CENPP: variants seen among roughly 807,000 people sequenced by gnomAD.
CENPP encodes the protein centromere protein P.
In CENPP, 24 loss-of-function variants were observed where a neutral mutation model predicts 35.6. The ratio of observed to expected loss-of-function variants is 0.67; its 90% CI spans 0.49 to 0.95. The LOEUF (loss-of-function observed/expected upper bound fraction) is 0.95, where lower values mean the gene tolerates loss of function less well. Among genes scored for constraint, CENPP ranks in the 40% least tolerant of loss-of-function variants. The probability of loss-of-function intolerance (pLI) is 0.00; values close to 1 mark genes in which losing one functional copy is unlikely to be tolerated. For synonymous variants in CENPP, 120 were observed against 125.5 expected (o/e 0.96, Z 0.29); for missense variants, 332 against 345.3 (o/e 0.96, Z 0.31).
intron 5 of CENPP, among the ~76,000 whole-genome samples, chr9:92,433,821 A>G (rs1203889858): frequency 6.6e-6 from 1 of 152,078 alleles, no homozygotes; most frequent in Non-Finnish European, 1.5e-5. Flanking sequence ...AATCCCAGCT[A>G]CTTGGGAGGC....
chr9:92,447,747 T>C (rs1226952805), intron 5 of CENPP, among the ~76,000 whole-genome samples: 3 of 152,170 alleles, frequency 2.0e-5, no homozygotes, highest in African/African-American at 7.2e-5. Context: ...GGGCAGGACT[T>C]GGCACCTGGT....
intron 5 of CENPP, among the ~76,000 whole-genome samples, chr9:92,587,237 A>AG (rs796447512): frequency 3.3e-5 from 5 of 152,334 alleles, no homozygotes; most frequent in African/African-American, 1.2e-4. Flanking sequence ...TGGGAGGCCG[A>AG]GGCAGGCGAA....
intron 5 of CENPP, among the ~76,000 whole-genome samples, chr9:92,465,282 A>G (rs560805195): frequency 6.6e-6 from 1 of 152,366 alleles, no homozygotes; most frequent in Admixed American, 6.5e-5. Flanking sequence ...TTACCATATC[A>G]GTGACATTTT....
At chr9:92,379,728 A>G (rs1295215770) in intron 4 of CENPP, 35 bp from the exon 5 acceptor site, 8 of 1,434,944 alleles carry the variant, frequency 5.6e-6, no homozygotes, top group East Asian at 2.3e-5. Context: ...TCATTTAATG[A>G]TATTTATTAA....
chr9:92,431,452 G>A (rs1020770953), intron 5 of CENPP, among the ~76,000 whole-genome samples: 5 of 152,194 alleles, frequency 3.3e-5, no homozygotes, highest in African/African-American at 9.6e-5. Flanking sequence ...ATTACATTGT[G>A]ATTTTAACTT....
chr9:92,333,100 A>T (rs922854523), intron 2 of CENPP, among the ~76,000 whole-genome samples: 1 of 152,230 alleles, frequency 6.6e-6, no homozygotes, highest in South Asian at 2.1e-4. Flanking sequence ...TCTGGTCCCA[A>T]TGACTAGATT....
intron 5 of CENPP, among the ~76,000 whole-genome samples, chr9:92,461,067 C>G (rs561742601): frequency 6.6e-4 from 100 of 152,262 alleles, no homozygotes; most frequent in African/African-American, 2.3e-3. Flanking sequence ...CCATGCTCAG[C>G]TTCAACAGTT....
chr9:92,467,958 C>A (rs1588153185), intron 5 of CENPP, among the ~76,000 whole-genome samples: 1 of 152,146 alleles, frequency 6.6e-6, no homozygotes, highest in East Asian at 1.9e-4. Flanking sequence ...GGGAATTTAA[C>A]AACTTGGTGG....
intron 5 of CENPP, among the ~76,000 whole-genome samples, chr9:92,458,835 G>A (rs1232165332): frequency 6.6e-6 from 1 of 152,148 alleles, no homozygotes; most frequent in Non-Finnish European, 1.5e-5. Context: ...CTTGAGATTA[G>A]CACCTGCCTA....
intron 5 of CENPP, chr9:92,517,818 G>C (rs149220459): frequency 6.2e-7 from 1 of 1,613,952 alleles, no homozygotes; most frequent in African/African-American, 1.3e-5. Context: ...GGGCTCAGGC[G>C]ACCACACAGC....
At chr9:92,584,381 C>T (rs980378880) in intron 5 of CENPP, among the ~76,000 whole-genome samples, 1 of 152,164 alleles carries the variant, frequency 6.6e-6, no homozygotes, top group Non-Finnish European at 1.5e-5. Context: ...CAGGGTCTTA[C>T]TCTATCACCC....
At chr9:92,453,530 A>C (rs1844779547) in intron 5 of CENPP, among the ~76,000 whole-genome samples, 1 of 152,134 alleles carries the variant, frequency 6.6e-6, no homozygotes, top group Admixed American at 6.5e-5. Context: ...CTATATGGTC[A>C]ATTTTGGAAA....
chr9:92,555,643 T>C (rs1010455840), intron 5 of CENPP, among the ~76,000 whole-genome samples: 2 of 152,240 alleles, frequency 1.3e-5, no homozygotes, highest in African/African-American at 4.8e-5. Flanking sequence ...CAGGAACTTA[T>C]TCATCTCTTC....
rs1369688122 is a variant in CENPP at position 92,619,600 on chromosome 9, C to A, written c.*6451C>A. The A allele has an allele frequency of 6.5e-7, 1 of 1,533,916 alleles. No individual in the cohort carries two copies. Among genetic ancestry groups the A allele is most frequent in the Admixed American group, 2.0e-5 (1 of 51,190 alleles). On this transcript the variant is annotated 3_prime_UTR_variant, in exon 8 of 8. Coordinates refer to ENST00000375587, the MANE Select transcript of CENPP (RefSeq NM_001012267.3). ...CGGGAAAGATCAGCTCCAGGTCACA[C>A]AGGAAGCCTCTGCCCCCCCACACAA...
At chr9:92,437,117 G>A (rs1032688639) in intron 5 of CENPP, among the ~76,000 whole-genome samples, 3 of 152,096 alleles carry the variant, frequency 2.0e-5, no homozygotes, top group African/African-American at 4.8e-5. Context: ...CAGGAGAATC[G>A]CTCAAACCCA....
At chr9:92,421,983 A>G (rs979102190) in intron 5 of CENPP, among the ~76,000 whole-genome samples, 1 of 152,076 alleles carries the variant, frequency 6.6e-6, no homozygotes, top group African/African-American at 2.4e-5. Context: ...TATACATTTT[A>G]TACTCATTGA....
chr9:92,513,025 C>T (rs546744025), intron 5 of CENPP, among the ~76,000 whole-genome samples: 2 of 152,334 alleles, frequency 1.3e-5, no homozygotes, highest in African/African-American at 4.8e-5. Context: ...TGGCAGTGTG[C>T]TGTCACAGAT....
chr9:92,559,206 C>T (rs1406712309), intron 5 of CENPP, among the ~76,000 whole-genome samples: 1 of 152,144 alleles, frequency 6.6e-6, no homozygotes, highest in Non-Finnish European at 1.5e-5. Context: ...TGGAGTTTTA[C>T]CCCTGCTCCT....
At chr9:92,506,106 CAT>C (rs779573381) in intron 5 of CENPP, among the ~76,000 whole-genome samples, 4 of 152,120 alleles carry the variant, frequency 2.6e-5, no homozygotes, top group Non-Finnish European at 5.9e-5. Context: ...ATTGCAAAGA[CAT>C]AGATGTATGA....
Sources: gnomAD v4.1 joint callset for allele counts (sites outside exome capture counted in the v4.1 genomes callset) on GRCh38, gnomAD v4.1.1 for gene constraint, MANE v1.5 for transcripts, NCBI Gene and HGNC (gene_info 2026-07-23, HGNC 2026-07-21) for gene names.